RASAL2: variants seen among roughly 807,000 people sequenced by gnomAD.
RASAL2 encodes RAS protein activator like 2, also known as ras GTPase-activating protein nGAP.
Under a neutral mutation model 128.9 loss-of-function variants are expected in RASAL2, and 58 were observed. That is an observed-to-expected ratio of 0.45 (90% CI 0.36 to 0.56). RASAL2 has a LOEUF of 0.56. Ranked by LOEUF, RASAL2 falls within the 20% of genes least tolerant of loss-of-function variation. RASAL2 has a pLI of 0.00. For synonymous variants in RASAL2, 561 were observed against 580.8 expected (o/e 0.97, Z 0.49); for missense variants, 1,360 against 1,601.6 (o/e 0.85, Z 2.57).
Position 178,094,568 on chromosome 1 carries a change from G to C in RASAL2, c.76G>C (p.Asp26His). ...GGAGATGTTCCCGGCGCTGGAGTCC[G>C]ACTCGCCGCTGCCCCCGGAGGACCT... ...WPEMFPALESDSPLPPEDLDA... is the reference protein window; with the variant it reads ...WPEMFPALESHSPLPPEDLDA... The change falls in exon 1 of 18, where the codon GAC becomes CAC. Residue 26 changes from aspartate (D) to histidine (H), a missense_variant. By Grantham distance (81) the Asp-to-His change is moderately conservative (BLOSUM62 -1). Around this residue, in one of 3 missense-constraint regions of RASAL2, gnomAD observed 617 missense variants for 714.2 expected, o/e 0.86. Coordinates refer to ENST00000367649, the MANE Select transcript of RASAL2 (RefSeq NM_170692.4). 2.5e-6 allele frequency: 4 copies of C among 1,600,782 alleles called. No individual in the cohort carries two copies. Among genetic ancestry groups the C allele is most frequent in the Non-Finnish European group, 3.4e-6 (4 of 1,173,984 alleles).
intron 3 of RASAL2, among the ~76,000 whole-genome samples, chr1:178,373,588 G>A (rs1277544084): frequency 2.0e-5 from 3 of 151,842 alleles, no homozygotes; most frequent in African/African-American, 7.3e-5. Flanking sequence ...GGAAAGGAAG[G>A]CAGAGTTATC....
At chr1:178,110,246 A>G (rs1282451558) in intron 1 of RASAL2, among the ~76,000 whole-genome samples, 1 of 151,854 alleles carries the variant, frequency 6.6e-6, no homozygotes, top group African/African-American at 2.4e-5. Flanking sequence ...ATCTGTATAG[A>G]TTAGTTTGGA....
intron 3 of RASAL2, among the ~76,000 whole-genome samples, chr1:178,345,747 T>C (rs1201099124): frequency 6.6e-6 from 1 of 152,122 alleles, no homozygotes; most frequent in Non-Finnish European, 1.5e-5. Flanking sequence ...AGAGAAGTGA[T>C]TTGTCAAAAT....
chr1:178,198,796 C>T (rs1662763459), intron 1 of RASAL2, among the ~76,000 whole-genome samples: 2 of 152,224 alleles, frequency 1.3e-5, no homozygotes, highest in Non-Finnish European at 1.5e-5. Flanking sequence ...AGGGTGCAAT[C>T]TGTCCATTCC....
At chr1:178,226,704 T>A (rs1269384891) in intron 1 of RASAL2, among the ~76,000 whole-genome samples, 1 of 152,212 alleles carries the variant, frequency 6.6e-6, no homozygotes, top group Non-Finnish European at 1.5e-5. Context: ...CCCAGCATTT[T>A]GGGCGGCCGA....
At chr1:178,420,398 T>C (rs1423709774) in intron 4 of RASAL2, 113 bp from the exon 5 acceptor site, 2 of 590,088 alleles carry the variant, frequency 3.4e-6, no homozygotes, top group South Asian at 9.6e-5. Flanking sequence ...TAAAAGCTAG[T>C]TTCTATTTCT....
At chr1:178,354,672 C>T (rs979596629) in intron 3 of RASAL2, among the ~76,000 whole-genome samples, 2 of 152,016 alleles carry the variant, frequency 1.3e-5, no homozygotes, top group Non-Finnish European at 2.9e-5. Flanking sequence ...TTCCATAGAT[C>T]AACAATAAAC....
chr1:178,181,361 A>AT (rs946559831), intron 1 of RASAL2, among the ~76,000 whole-genome samples: 1,570 of 145,006 alleles, frequency 0.011, 12 homozygotes, highest in African/African-American at 0.025. Flanking sequence ...TTGATTCAGA[A>AT]TTTTTTTTTT....
At chr1:178,404,836 C>T (rs907905032) in intron 4 of RASAL2, among the ~76,000 whole-genome samples, 1 of 151,656 alleles carries the variant, frequency 6.6e-6, no homozygotes, top group Non-Finnish European at 1.5e-5. Context: ...TACATGCCAC[C>T]ACACCCAGCT....
intron 4 of RASAL2, among the ~76,000 whole-genome samples, chr1:178,417,948 T>C (rs1483852322): frequency 6.6e-6 from 1 of 152,188 alleles, no homozygotes; most frequent in Non-Finnish European, 1.5e-5. Context: ...ATTACAATTC[T>C]ATAAACTTAA....
rs68062672 is a variant in RASAL2 at position 178,164,504 on chromosome 1, TGC to T, written c.202+69812_202+69813del. ...ATTTGTGTGTGTGTGTGTGTGTGTG[TGC>T]GTGTGTGTGTGTGTGTGTTTTAAAC... On this transcript the variant is annotated intron_variant, in intron 1 of 17. Coordinates refer to ENST00000367649, the MANE Select transcript of RASAL2 (RefSeq NM_170692.4). Among the ~76,000 whole-genome samples, 333 of 143,098 alleles carry T rather than the reference TGC, an allele frequency of 2.3e-3. 1 individual carries two copies. Among genetic ancestry groups the T allele is most frequent in the South Asian group, 0.01 (47 of 4,632 alleles). 93.9% of individuals were successfully genotyped at this position (143,098 alleles called of 152,430 possible). A position where few individuals can be genotyped will look rare whatever the true frequency, so the allele number is the denominator to read the frequency against.
intron 1 of RASAL2, among the ~76,000 whole-genome samples, chr1:178,115,554 G>T (rs922993919): frequency 1.3e-5 from 2 of 152,218 alleles, no homozygotes; most frequent in African/African-American, 4.8e-5. Flanking sequence ...AAAGGTTCTG[G>T]TGTTAGCCAG....
intron 1 of RASAL2, among the ~76,000 whole-genome samples, chr1:178,177,930 C>T (rs1438160185): frequency 6.6e-6 from 1 of 152,072 alleles, no homozygotes; most frequent in Non-Finnish European, 1.5e-5. Flanking sequence ...AAGCATTTCC[C>T]CTCTTGATAA....
intron 1 of RASAL2, among the ~76,000 whole-genome samples, chr1:178,231,636 G>T (rs930736042): frequency 6.6e-6 from 1 of 151,058 alleles, no homozygotes; most frequent in Non-Finnish European, 1.5e-5. Context: ...CTCACTCACA[G>T]TTTTTTTTTA....
chr1:178,325,960 G>A (rs1315421599), intron 3 of RASAL2, among the ~76,000 whole-genome samples: 1 of 152,038 alleles, frequency 6.6e-6, no homozygotes, highest in Non-Finnish European at 1.5e-5. Context: ...GCATGTTGGT[G>A]TGTGCCTGTA....
chr1:178,331,668 C>T (rs1669320322), intron 3 of RASAL2, among the ~76,000 whole-genome samples: 1 of 147,598 alleles, frequency 6.8e-6, no homozygotes. Context: ...CTCACTGCAA[C>T]CTCCGCCTCC....
intron 4 of RASAL2, among the ~76,000 whole-genome samples, chr1:178,392,977 A>C (rs2102616895): frequency 6.6e-6 from 1 of 152,364 alleles, no homozygotes; most frequent in East Asian, 1.9e-4. Context: ...ATGTATAATA[A>C]CATTCAAAAT....
intron 5 of RASAL2, among the ~76,000 whole-genome samples, chr1:178,438,932 T>TGTGTGTGTGTGTG (rs1553233715): frequency 4.8e-5 from 7 of 145,472 alleles, no homozygotes; most frequent in East Asian, 2.0e-4. Context: ...TGTGTGTGTG[T>TGTGTGTGTGTGTG]TTTGCCAAAG....
chr1:178,216,088 A>C (rs775742860), intron 1 of RASAL2, among the ~76,000 whole-genome samples: 1 of 152,292 alleles, frequency 6.6e-6, no homozygotes, highest in Non-Finnish European at 1.5e-5. Flanking sequence ...ATGAGAGGAA[A>C]AGATTGGGTT....
Sources: gnomAD v4.1 joint callset for allele counts (sites outside exome capture counted in the v4.1 genomes callset) on GRCh38, gnomAD v4.1.1 for gene constraint, gnomAD v4.1.1 regional missense constraint, MANE v1.5 for transcripts, NCBI Gene and HGNC (gene_info 2026-07-23, HGNC 2026-07-21) for gene names.